Variants in CELF2 observed in about 807,000 individuals in gnomAD.
CELF2 encodes the protein CUGBP Elav-like family member 2.
In CELF2, 8 loss-of-function variants were observed where a neutral mutation model predicts 62.6. The ratio of observed to expected loss-of-function variants is 0.13; its 90% CI spans 0.07 to 0.23. The LOEUF (loss-of-function observed/expected upper bound fraction) is 0.23. Among genes scored for constraint, CELF2 ranks in the 10% least tolerant of loss-of-function variants. The pLI is 1.00. For missense variants in CELF2, 333 were observed against 671.0 expected (o/e 0.50, Z 5.56); for synonymous variants, 258 against 250.0 (o/e 1.03, Z -0.30).
At chr10:11,301,084 C>A (rs887791036) in intron 9 of CELF2, among the ~76,000 whole-genome samples, 5 of 152,124 alleles carry the variant, frequency 3.3e-5, no homozygotes, top group Non-Finnish European at 7.4e-5. Context: ...GCTAGACATG[C>A]CCTGCAGATA....
chr10:11,291,627 T>A (rs943190788), intron 9 of CELF2, among the ~76,000 whole-genome samples: 12 of 152,320 alleles, frequency 7.9e-5, no homozygotes, highest in South Asian at 2.1e-4. Flanking sequence ...TTTAATCATG[T>A]TTCTTGTCTT....
At chr10:10,687,469 C>T in the CELF2 span, among the ~76,000 whole-genome samples, 1 of 152,082 alleles carries the variant, frequency 6.6e-6, no homozygotes, top group Non-Finnish European at 1.5e-5. Context: ...ATGTTCTATA[C>T]TGAGAACACA....
In CELF2 at chr10:11,333,050, C is replaced by CAATT. The variant is rs2096058690; in HGVS notation, c.*3998_*4001dup. The CAATT allele has an allele frequency of 6.6e-6, 1 of 152,236 alleles. No homozygotes were observed. The highest frequency in any genetic ancestry group is 2.1e-4 in the South Asian group (1 of 4,822). The allele number at this position is 152,236 out of a possible 1,614,324, so 9.4% of individuals were successfully genotyped here. A position where few individuals can be genotyped will look rare whatever the true frequency, so the allele number is the denominator to read the frequency against. On this transcript the variant is annotated 3_prime_UTR_variant, in exon 13 of 13. Coordinates refer to ENST00000633077, the MANE Select transcript of CELF2 (RefSeq NM_001326342.2). ...CAATTACCTAAATCTCAACGAAAAA[C>CAATT]AATTTACTGAAGCCGACTCCCCTCC...
chr10:11,263,223 A>G (rs1399597077), intron 5 of CELF2, among the ~76,000 whole-genome samples: 1 of 152,078 alleles, frequency 6.6e-6, no homozygotes, highest in Non-Finnish European at 1.5e-5. Context: ...AGAGGAATGC[A>G]GCTCCTTTCA....
chr10:11,268,669 G>A lies in CELF2; in HGVS notation c.618+1992G>A, dbSNP rs1372009839. Among the ~76,000 whole-genome samples the A allele has an allele frequency of 6.7e-6, 1 of 149,260 alleles. No individual in the cohort carries two copies. The highest frequency in any genetic ancestry group is 1.5e-5 in the Non-Finnish European group (1 of 67,302). On this transcript the variant is annotated intron_variant, in intron 6 of 12. Transcript: ENST00000633077. The surrounding 1 kb of genome is among the most constrained non-coding windows in gnomAD (Gnocchi z 4.7). ...CTGGACATTCATGCTTACACAGAGG[G>A]GTCCTCTGACACTTAAATTTCTTGT... is the stretch of plus-strand genomic sequence containing the variant.
intron 3 of CELF2, among the ~76,000 whole-genome samples, chr10:11,230,998 T>C (rs1448742517): frequency 6.6e-6 from 1 of 152,154 alleles, no homozygotes; most frequent in East Asian, 1.9e-4. Flanking sequence ...CTTGAGAGAC[T>C]TTTGCTGACA....
At chr10:11,125,370 T>C (rs2058500309) in intron 1 of CELF2, among the ~76,000 whole-genome samples, 1 of 151,762 alleles carries the variant, frequency 6.6e-6, no homozygotes, top group Non-Finnish European at 1.5e-5. Context: ...TTATTTGTAA[T>C]GTGGCCATAG....
At chr10:11,122,132 A>C (rs1046643671) in intron 1 of CELF2, among the ~76,000 whole-genome samples, 60 of 152,196 alleles carry the variant, frequency 3.9e-4, no homozygotes, top group African/African-American at 1.4e-3. Flanking sequence ...GTTGAATGGA[A>C]CATTCTTTTT....
the CELF2 span, among the ~76,000 whole-genome samples, chr10:10,674,222 A>G: frequency 1.3e-5 from 2 of 152,216 alleles, no homozygotes; most frequent in Admixed American, 6.5e-5. Flanking sequence ...GCACCTACAC[A>G]TTAAGAACCA....
At chr10:10,502,947 C>A in the CELF2 span, among the ~76,000 whole-genome samples, 1 of 151,906 alleles carries the variant, frequency 6.6e-6, no homozygotes, top group Admixed American at 6.6e-5. Flanking sequence ...CCTTATCATT[C>A]AGTTTAATAT....
chr10:10,696,251 A>G, the CELF2 span, among the ~76,000 whole-genome samples: 2 of 151,864 alleles, frequency 1.3e-5, no homozygotes, highest in Non-Finnish European at 1.5e-5. Context: ...GGTCTGTTGG[A>G]GTACCCTGCC....
intron 2 of CELF2, among the ~76,000 whole-genome samples, chr10:11,202,596 T>C (rs753691986): frequency 1.3e-5 from 2 of 152,214 alleles, no homozygotes; most frequent in African/African-American, 2.4e-5. Context: ...GTGACAGTTA[T>C]ATTCAGGGAG....
chr10:11,126,553 T>C (rs572905294), intron 1 of CELF2, among the ~76,000 whole-genome samples: 12 of 152,176 alleles, frequency 7.9e-5, no homozygotes, highest in Non-Finnish European at 1.5e-4. Flanking sequence ...AATGCAGACA[T>C]TGTTGATGTA....
chr10:10,569,390 C>G, the CELF2 span, among the ~76,000 whole-genome samples: 3 of 152,038 alleles, frequency 2.0e-5, no homozygotes, highest in Non-Finnish European at 4.4e-5. Flanking sequence ...GAGACTTACT[C>G]ACTACCACGA....
In CELF2 at chr10:10,947,733, A is replaced by T. The variant is rs1262372072; in HGVS notation, c.89+27734A>T. ...TCAACTTTCTGCTTTCAAGGTCATG[A>T]GTAGCGTAAGAAGACACATACACAC... On this transcript the variant is annotated intron_variant, in intron 2 of 13. Transcript: ENST00000636488. The surrounding 1 kb of genome is among the most constrained non-coding windows in gnomAD (Gnocchi z 4.1). 6.6e-6 allele frequency among the ~76,000 whole-genome samples: 1 copy of T among 152,204 alleles called. No homozygotes were observed. Among genetic ancestry groups the T allele is most frequent in the African/African-American group, 2.4e-5 (1 of 41,452 alleles).
chr10:10,969,853 A>G (rs1465969522), intron 2 of CELF2, among the ~76,000 whole-genome samples: 5 of 152,130 alleles, frequency 3.3e-5, no homozygotes, highest in Non-Finnish European at 5.9e-5. Context: ...TGCTTCATCT[A>G]TAGGAAGTTG....
intron 1 of CELF2, among the ~76,000 whole-genome samples, chr10:10,856,425 GAGAGATCAA>G (rs1330623894): frequency 6.6e-6 from 1 of 152,070 alleles, no homozygotes; most frequent in Non-Finnish European, 1.5e-5. Flanking sequence ...AAGTAGAACA[GAGAGATCAA>G]ATATTTAAAG....
At chr10:10,500,079 C>A in the CELF2 span, among the ~76,000 whole-genome samples, 1 of 152,202 alleles carries the variant, frequency 6.6e-6, no homozygotes, top group African/African-American at 2.4e-5. Context: ...AGTAACTACA[C>A]CCTGTATATC....
chr10:10,514,259 G>C, the CELF2 span, among the ~76,000 whole-genome samples: 1 of 152,160 alleles, frequency 6.6e-6, no homozygotes, highest in African/African-American at 2.4e-5. Flanking sequence ...AGAGACAATT[G>C]GCTATAGAAA....
Sources: gnomAD v4.1 joint callset for allele counts (sites outside exome capture counted in the v4.1 genomes callset) on GRCh38, gnomAD v4.1.1 for gene constraint, Gnocchi (gnomAD v3.1) non-coding constraint, MANE v1.5 for transcripts, NCBI Gene and HGNC (gene_info 2026-07-23, HGNC 2026-07-21) for gene names.